NRF1: variants seen among roughly 807,000 people sequenced by gnomAD.
NRF1 encodes the protein nuclear respiratory factor 1.
In NRF1, 5 loss-of-function variants were observed where a neutral mutation model predicts 58.5. The observed-to-expected ratio is 0.09, with a 90% confidence interval of 0.04 to 0.18. The LOEUF (loss-of-function observed/expected upper bound fraction) is 0.18. NRF1 is among the 10% of genes least tolerant of loss of function. The pLI is 1.00. For missense variants in NRF1, 288 were observed against 657.7 expected, an observed-to-expected ratio of 0.44 and a Z score of 6.15; for synonymous variants, 224 against 246.7, an observed-to-expected ratio of 0.91 and a Z score of 0.86.
chr7:129,672,903 A>C (rs1361129132), intron 3 of NRF1, among the ~76,000 whole-genome samples: 3 of 152,188 alleles, frequency 2.0e-5, no homozygotes, highest in African/African-American at 7.2e-5. Context: ...AGTATTTAGA[A>C]CTAGGAGACT....
At chr7:129,623,827 G>T (rs955620825) in intron 1 of NRF1, among the ~76,000 whole-genome samples, 2 of 152,174 alleles carry the variant, frequency 1.3e-5, no homozygotes, top group South Asian at 2.1e-4. Context: ...TACTTTGAAA[G>T]ATTAAGATCT....
At chr7:129,745,777 G>A (rs1049334850) in intron 10 of NRF1, among the ~76,000 whole-genome samples, 7 of 152,158 alleles carry the variant, frequency 4.6e-5, no homozygotes, top group African/African-American at 1.7e-4. Context: ...ACGCTCCTGG[G>A]CATTGCCAGT....
chr7:129,710,562 A>T lies in NRF1; in HGVS notation c.954A>T (p.Ser318=). ...TTAGTAACCCTGATGGCACTGTCTC[A>T]CTTATCCAGGTGAGTAAACCTGAGG... ...QTFSNPDGTV[S]LIQVGTGATV... Residue 318 remains serine (S), a synonymous_variant, in exon 7 of 11, where the codon TCA becomes TCT. Coordinates refer to ENST00000393232, the MANE Select transcript of NRF1 (RefSeq NM_005011.5). The T allele has an allele frequency of 1.3e-6, 2 of 1,528,044 alleles. No homozygotes were observed. The highest frequency in any genetic ancestry group is 2.7e-5 in the African/African-American group (2 of 73,284). 94.7% of individuals were successfully genotyped at this position (1,528,044 alleles called of 1,614,324 possible).
intron 1 of NRF1, among the ~76,000 whole-genome samples, chr7:129,618,322 T>G (rs1375508537): frequency 2.0e-5 from 3 of 152,198 alleles, no homozygotes; most frequent in Non-Finnish European, 2.9e-5. Flanking sequence ...GTCAAGTAAG[T>G]ACCTGGGTAT....
intron 5 of NRF1, among the ~76,000 whole-genome samples, chr7:129,699,364 A>C (rs1267749381): frequency 6.6e-6 from 1 of 152,204 alleles, no homozygotes; most frequent in African/African-American, 2.4e-5. Flanking sequence ...AAGTGAAATA[A>C]GCCAGACACA....
At position 129,727,238 on chromosome 7, in the gene NRF1, C is replaced by T. The variant is rs1391829176; in HGVS notation, c.1224-3C>T. The T allele has an allele frequency of 6.3e-7, 1 of 1,589,936 alleles. No individual in the cohort carries two copies. The highest frequency in any genetic ancestry group is 8.5e-7 in the Non-Finnish European group (1 of 1,173,408). On this transcript the variant is annotated splice_region_variant and splice_polypyrimidine_tract_variant and intron_variant, in intron 9 of 10. Transcript: ENST00000393232. ...ATCCTCTCTCCTGTTCCTGTGCCCGCAGCGAAGCTGCCGCCCATGCTGTCG... is the reference window on the plus strand; with the variant it reads ...ATCCTCTCTCCTGTTCCTGTGCCCGTAGCGAAGCTGCCGCCCATGCTGTCG...
chr7:129,691,746 C>T (rs1403552344), intron 5 of NRF1, among the ~76,000 whole-genome samples: 1 of 152,144 alleles, frequency 6.6e-6, no homozygotes, highest in Non-Finnish European at 1.5e-5. Flanking sequence ...CAGCATTTGA[C>T]ATAGTTGATT....
rs184225089 is a variant in NRF1 at position 129,617,043 on chromosome 7, T to G, written c.-7+5219T>G. 2.0e-3 allele frequency among the ~76,000 whole-genome samples: 302 copies of G among 152,338 alleles called. 1 individual carries two copies. Among genetic ancestry groups the G allele is most frequent in the Non-Finnish European group, 2.1e-3 (143 of 68,030 alleles). On this transcript the variant is annotated intron_variant, in intron 1 of 10. Transcript: ENST00000393232. ...ATTGCATTGTTTAATATGCATTGTA[T>G]TTCGATTAATTCATGCATGCTGATT...
intron 1 of NRF1, among the ~76,000 whole-genome samples, chr7:129,635,421 T>A (rs1801147384): frequency 6.6e-6 from 1 of 152,174 alleles, no homozygotes; most frequent in South Asian, 2.1e-4. Context: ...AGTGTTACAG[T>A]TCTTTAAAGA....
rs763582806 is a variant in NRF1 at position 129,711,501 on chromosome 7, A to G, written c.990A>G (p.Thr330=). Residue 330 remains threonine (T), a synonymous_variant, in exon 8 of 11, where the codon ACA becomes ACG. Transcript: ENST00000393232. ...IQVGTGATVA[T]LADASELPTT... ...TTGGTACGGGGGCAACAGTAGCCAC[A>G]TTGGCTGATGCTTCAGAATTGCCAA... 14 of 1,612,522 alleles carry G rather than the reference A, an allele frequency of 8.7e-6. No individual in the cohort carries two copies. The highest frequency in any genetic ancestry group is 6.7e-5 in the Admixed American group (4 of 59,862).
rs1802505455 is a variant in NRF1, at chr7:129,689,017, G to C, written c.466-1389G>C. Among the ~76,000 whole-genome samples the C allele has an allele frequency of 2.0e-5, 3 of 152,124 alleles. No homozygotes were observed. The South Asian group carries it at 6.2e-4, about 32-fold the overall frequency. On this transcript the variant is annotated intron_variant, in intron 4 of 10. Coordinates refer to ENST00000393232, the MANE Select transcript of NRF1 (RefSeq NM_005011.5). ...GAAAATACAATCCTGTAAAGTTGCT[G>C]TGGCAACATCAGCTGCTTATGTTGC...
At chr7:129,744,486 G>A (rs1474440827) in intron 10 of NRF1, among the ~76,000 whole-genome samples, 2 of 152,126 alleles carry the variant, frequency 1.3e-5, no homozygotes, top group African/African-American at 2.4e-5. Flanking sequence ...CCAGGCTGGA[G>A]TGCAGTGGCT....
chr7:129,729,769 T>A (rs1803535829), intron 10 of NRF1, among the ~76,000 whole-genome samples: 1 of 152,212 alleles, frequency 6.6e-6, no homozygotes, highest in South Asian at 2.1e-4. Flanking sequence ...TGGCTAGACT[T>A]TTAGAGGTTC....
chr7:129,648,274 C>CTTTTT (rs35513653), intron 1 of NRF1, among the ~76,000 whole-genome samples: 8 of 97,050 alleles, frequency 8.2e-5, no homozygotes, highest in Admixed American at 2.4e-4. Context: ...GCATTATTGA[C>CTTTTT]TTTTTTTTTT....
chr7:129,616,284 G>A (rs1156954909), intron 1 of NRF1, among the ~76,000 whole-genome samples: 1 of 152,164 alleles, frequency 6.6e-6, no homozygotes, highest in Non-Finnish European at 1.5e-5. Context: ...AGATGTTCTA[G>A]TATATTAGAA....
intron 10 of NRF1, among the ~76,000 whole-genome samples, chr7:129,742,947 A>G (rs1001361734): frequency 6.6e-6 from 1 of 152,214 alleles, no homozygotes; most frequent in Non-Finnish European, 1.5e-5. Flanking sequence ...AGGAAGCTCC[A>G]GTGGACCACA....
chr7:129,665,209 G>C (rs527735536), intron 2 of NRF1, among the ~76,000 whole-genome samples: 1 of 152,220 alleles, frequency 6.6e-6, no homozygotes, highest in Non-Finnish European at 1.5e-5. Context: ...TTGGAGCCTT[G>C]TGAGGCAGGC....
intron 5 of NRF1, 33 bp from the exon 6 acceptor site, chr7:129,709,042 A>G (rs778867321): frequency 2.1e-6 from 3 of 1,414,330 alleles, no homozygotes; most frequent in Admixed American, 5.2e-5. Context: ...GATGTCTTTC[A>G]TGAGTATTGA....
At chr7:129,654,388 T>C (rs1464078346) in intron 1 of NRF1, among the ~76,000 whole-genome samples, 2 of 152,244 alleles carry the variant, frequency 1.3e-5, no homozygotes, top group Non-Finnish European at 2.9e-5. Context: ...CTTTTACAAC[T>C]ATTTCCTCCC....
Sources: gnomAD v4.1 joint callset for allele counts (sites outside exome capture counted in the v4.1 genomes callset) on GRCh38, gnomAD v4.1.1 for gene constraint, MANE v1.5 for transcripts, NCBI Gene and HGNC (gene_info 2026-07-23, HGNC 2026-07-21) for gene names.